Variants in CTNND2 observed in about 807,000 individuals in gnomAD.
CTNND2 encodes catenin delta-2.
In CTNND2, 22 loss-of-function variants were observed where a neutral mutation model predicts 144.4. The ratio of observed to expected loss-of-function variants is 0.15; its 90% CI spans 0.11 to 0.22. The LOEUF is 0.22. Among genes scored for constraint, CTNND2 ranks in the 10% least tolerant of loss-of-function variants. CTNND2 has a pLI of 1.00. For synonymous variants in CTNND2, 751 were observed against 695.6 expected, an observed-to-expected ratio of 1.08 and a Z score of -1.25; for missense variants, 1,353 against 1,618.8, an observed-to-expected ratio of 0.84 and a Z score of 2.82.
Position 11,737,262 on chromosome 5 carries a change from G to C in CTNND2, c.38-4990C>G, listed in dbSNP as rs539135402. On this transcript the variant is annotated intron_variant, in intron 1 of 21. Transcript: ENST00000304623. Reference sequence around the variant, plus strand: ...TATCCTCTCAGGCTTTTGCCAACCTGATATAGAAAAATGCACCCCTTTGAC... The same window carrying C: ...TATCCTCTCAGGCTTTTGCCAACCTCATATAGAAAAATGCACCCCTTTGAC... Among the ~76,000 whole-genome samples, 42 of 152,272 alleles carry C rather than the reference G, an allele frequency of 2.8e-4. No homozygotes were observed. In the East Asian group the frequency reaches 3.5e-3, roughly 13 times the overall value.
chr5:11,893,470 T>G (rs1257838417), intron 1 of CTNND2, among the ~76,000 whole-genome samples: 1 of 152,194 alleles, frequency 6.6e-6, no homozygotes, highest in African/African-American at 2.4e-5. Context: ...AATGAATGCA[T>G]AAATCAATAA....
At chr5:11,296,840 G>T (rs2530214) in intron 9 of CTNND2, among the ~76,000 whole-genome samples, 16 of 151,948 alleles carry the variant, frequency 1.1e-4, no homozygotes, top group Admixed American at 3.9e-4. Context: ...TTGTGGCATG[G>T]GGGGAGTGGG....
At chr5:11,400,644 AC>A (rs1760561720) in intron 5 of CTNND2, among the ~76,000 whole-genome samples, 1 of 152,252 alleles carries the variant, frequency 6.6e-6, no homozygotes, top group African/African-American at 2.4e-5. Context: ...CAAGGGAACT[AC>A]AAAGTTGATT....
intron 1 of CTNND2, among the ~76,000 whole-genome samples, chr5:11,753,842 T>G (rs1302640920): frequency 6.6e-6 from 1 of 151,764 alleles, no homozygotes; most frequent in Admixed American, 6.6e-5. Context: ...CTGATTCAAT[T>G]TTGGAACTCA....
At position 11,678,690 on chromosome 5, in the gene CTNND2, C is replaced by T. The variant is rs577701753; in HGVS notation, c.174+53446G>A. On this transcript the variant is annotated intron_variant, in intron 2 of 21. Transcript: ENST00000304623. Reference sequence around the variant, plus strand: ...TACTGCAAATCATGCAGATCACGAACAAAATTAAGGTTAATCTTCCTTTAG... The same window carrying T: ...TACTGCAAATCATGCAGATCACGAATAAAATTAAGGTTAATCTTCCTTTAG... Among the ~76,000 whole-genome samples the T allele has an allele frequency of 5.3e-5, 8 of 152,212 alleles. 1 individual carries two copies. In the South Asian group the frequency reaches 1.7e-3, roughly 32 times the overall value.
At chr5:11,599,942 T>G (rs185573619) in intron 2 of CTNND2, among the ~76,000 whole-genome samples, 8 of 152,224 alleles carry the variant, frequency 5.3e-5, no homozygotes, top group Middle Eastern at 3.4e-3. Context: ...GGAATCCGAG[T>G]TAAGAAGTGC....
chr5:11,291,012 G>C (rs1461217644), intron 9 of CTNND2, among the ~76,000 whole-genome samples: 1 of 152,118 alleles, frequency 6.6e-6, no homozygotes, highest in Non-Finnish European at 1.5e-5. Context: ...ACTGGGGAGA[G>C]AGGGAAATCA....
intron 2 of CTNND2, among the ~76,000 whole-genome samples, chr5:11,565,637 T>C (rs959747146): frequency 6.6e-6 from 1 of 152,218 alleles, no homozygotes; most frequent in Non-Finnish European, 1.5e-5. Context: ...CATTACTAAG[T>C]ACATAACCTT....
At chr5:11,842,065 A>G (rs1024447592) in intron 1 of CTNND2, among the ~76,000 whole-genome samples, 1 of 152,112 alleles carries the variant, frequency 6.6e-6, no homozygotes, top group African/African-American at 2.4e-5. Context: ...CTTGTAGACT[A>G]GACAGGGCAA....
At chr5:11,770,462 AGG>A (rs146595789) in intron 1 of CTNND2, among the ~76,000 whole-genome samples, 1,226 of 118,208 alleles carry the variant, frequency 0.01, 33 homozygotes, top group African/African-American at 0.05. Flanking sequence ...GAAGGAAGGA[AGG>A]GGTAGGGGTA....
chr5:11,202,161 C>G (rs908189666), intron 10 of CTNND2, among the ~76,000 whole-genome samples: 2 of 149,814 alleles, frequency 1.3e-5, no homozygotes, highest in Non-Finnish European at 3.0e-5. Context: ...ATCAATCAAT[C>G]TATGCATTTT....
At position 11,246,104 on chromosome 5, in the gene CTNND2, T is replaced by C. The variant is rs371418710; in HGVS notation, c.1629-9281A>G. Among the ~76,000 whole-genome samples the C allele has an allele frequency of 7.9e-5, 12 of 152,346 alleles. No individual in the cohort carries two copies. The East Asian group carries it at 2.3e-3, about 29-fold the overall frequency. On this transcript the variant is annotated intron_variant, in intron 9 of 21. Transcript: ENST00000304623. ...ACAATGTTTAATGGCCACTGCGTGT[T>C]TGTCCAATGGAATACAGTGTTGAAT...
intron 9 of CTNND2, among the ~76,000 whole-genome samples, chr5:11,327,528 C>T (rs1752646080): frequency 1.3e-5 from 2 of 152,164 alleles, no homozygotes; most frequent in African/African-American, 4.8e-5. Context: ...CTATATTAAA[C>T]ACCTGGATTC....
chr5:11,657,564 T>C (rs147970156), intron 2 of CTNND2, among the ~76,000 whole-genome samples: 3 of 152,130 alleles, frequency 2.0e-5, no homozygotes, highest in Non-Finnish European at 2.9e-5. Context: ...TCAGGTTTTA[T>C]GAGTTGGCAA....
intron 1 of CTNND2, among the ~76,000 whole-genome samples, chr5:11,769,636 T>C (rs556932118): frequency 6.6e-6 from 1 of 152,288 alleles, no homozygotes; most frequent in African/African-American, 2.4e-5. Context: ...ATTCCATTAA[T>C]GAAGGTTTAA....
At chr5:11,076,254 A>C (rs1748938630) in intron 16 of CTNND2, among the ~76,000 whole-genome samples, 1 of 152,198 alleles carries the variant, frequency 6.6e-6, no homozygotes, top group Non-Finnish European at 1.5e-5. Context: ...AGGCCACTGC[A>C]AGGTGGGCTT....
At chr5:11,578,826 G>A (rs970318454) in intron 2 of CTNND2, among the ~76,000 whole-genome samples, 1 of 152,052 alleles carries the variant, frequency 6.6e-6, no homozygotes, top group African/African-American at 2.4e-5. Flanking sequence ...CTGGCCCATT[G>A]GTATTTCCTA....
intron 3 of CTNND2, among the ~76,000 whole-genome samples, chr5:11,516,825 T>C (rs1320766734): frequency 1.3e-5 from 2 of 152,176 alleles, no homozygotes; most frequent in African/African-American, 4.8e-5. Context: ...GAAGTTAACA[T>C]GCTTACCCAA....
At chr5:11,567,115 A>T (rs1227328698) in intron 2 of CTNND2, among the ~76,000 whole-genome samples, 2 of 151,942 alleles carry the variant, frequency 1.3e-5, no homozygotes, top group Non-Finnish European at 2.9e-5. Flanking sequence ...AGTTACCCTT[A>T]AATTTATTTC....
Sources: gnomAD v4.1 joint callset for allele counts (sites outside exome capture counted in the v4.1 genomes callset) on GRCh38, gnomAD v4.1.1 for gene constraint, MANE v1.5 for transcripts, NCBI Gene and HGNC (gene_info 2026-07-23, HGNC 2026-07-21) for gene names.